The following PRR5L variants were observed in gnomAD, a reference collection of about 807,000 sequenced individuals.
The protein encoded by PRR5L is proline-rich protein 5-like.
In PRR5L, 21 loss-of-function variants were observed where a neutral mutation model predicts 36.4. The ratio of observed to expected loss-of-function variants is 0.58; its 90% CI spans 0.41 to 0.83. The LOEUF (loss-of-function observed/expected upper bound fraction) is 0.83, where lower values mean the gene tolerates loss of function less well. Ranked by LOEUF, PRR5L falls within the 40% of genes least tolerant of loss-of-function variation. PRR5L has a pLI of 0.00. For missense variants in PRR5L, 381 were observed against 473.3 expected, an observed-to-expected ratio of 0.80 and a Z score of 1.81; for synonymous variants, 188 against 197.0, an observed-to-expected ratio of 0.95 and a Z score of 0.38.
At chr11:36,461,259 T>G (rs1196099026) in intron 8 of PRR5L, among the ~76,000 whole-genome samples, 1 of 152,102 alleles carries the variant, frequency 6.6e-6, no homozygotes, top group East Asian at 1.9e-4. Context: ...TTAGGTTCAG[T>G]TTTGGGGGGG....
At chr11:36,376,159 G>C in intron 1 of PRR5L, 3 of 1,304,972 alleles carry the variant, frequency 2.3e-6, no homozygotes, top group Non-Finnish European at 3.0e-6. Flanking sequence ...TGAACTGGAT[G>C]TAAGTGCAGG....
intron 3 of PRR5L, among the ~76,000 whole-genome samples, chr11:36,417,885 C>A (rs1477718367): frequency 6.6e-6 from 1 of 152,168 alleles, no homozygotes; most frequent in African/African-American, 2.4e-5. Flanking sequence ...CAAAGAAAGT[C>A]ATTTGAAATC....
chr11:36,300,296 G>A (rs1856361337), intron 1 of PRR5L, among the ~76,000 whole-genome samples: 1 of 152,096 alleles, frequency 6.6e-6, no homozygotes. Context: ...AAGGTGAGGG[G>A]GGAGCATGTC....
At chr11:36,376,641 T>C in intron 1 of PRR5L, 7 of 992,408 alleles carry the variant, frequency 7.1e-6, no homozygotes, top group Non-Finnish European at 8.4e-6. Flanking sequence ...GCGCGGAGTC[T>C]GGGGCGGAGG....
At chr11:36,347,609 C>T (rs184169697) in intron 1 of PRR5L, among the ~76,000 whole-genome samples, 8 of 151,610 alleles carry the variant, frequency 5.3e-5, no homozygotes, top group African/African-American at 1.9e-4. Context: ...GCTTGCTGAG[C>T]CTGAAGAAGA....
intron 1 of PRR5L, among the ~76,000 whole-genome samples, chr11:36,361,617 G>A (rs993461245): frequency 1.3e-5 from 2 of 152,096 alleles, no homozygotes; most frequent in African/African-American, 4.8e-5. Context: ...AAATCATTGT[G>A]GGAATGTGAT....
chr11:36,445,479 G>A (rs992964658), intron 6 of PRR5L, among the ~76,000 whole-genome samples: 1 of 152,080 alleles, frequency 6.6e-6, no homozygotes, highest in Non-Finnish European at 1.5e-5. Flanking sequence ...GATTTTTAGT[G>A]CATGTTGTAT....
chr11:36,333,973 C>T (rs1190444910), intron 1 of PRR5L, among the ~76,000 whole-genome samples: 2 of 152,158 alleles, frequency 1.3e-5, no homozygotes, highest in African/African-American at 4.8e-5. Context: ...ACCCAGGATC[C>T]CCTTTTTGTG....
chr11:36,388,926 C>G (rs1466507378), intron 1 of PRR5L, among the ~76,000 whole-genome samples: 2 of 151,856 alleles, frequency 1.3e-5, no homozygotes, highest in East Asian at 3.9e-4. Context: ...GTCTGGATCT[C>G]CTGACCTCGT....
intron 1 of PRR5L, among the ~76,000 whole-genome samples, chr11:36,350,887 GAGT>G (rs2133488798): frequency 8.2e-6 from 1 of 122,296 alleles, no homozygotes; most frequent in East Asian, 2.1e-4. Flanking sequence ...TTTTACGGCT[GAGT>G]AGTATTCCAT....
intron 3 of PRR5L, among the ~76,000 whole-genome samples, chr11:36,407,102 C>G (rs1857927317): frequency 1.3e-5 from 2 of 152,046 alleles, no homozygotes; most frequent in Admixed American, 1.3e-4. Flanking sequence ...TTACTGTGAA[C>G]AGTTAAGAAA....
Position 36,350,638 on chromosome 11 carries a change from C to T in PRR5L, c.-125-50359C>T, listed in dbSNP as rs188326794. Among the ~76,000 whole-genome samples, 356 of 151,770 alleles carry T rather than the reference C, an allele frequency of 2.3e-3. 1 individual carries two copies. The highest frequency in any genetic ancestry group is 8.1e-3 in the African/African-American group (334 of 41,372). ...TTCTGAGATTTTGGTGCACCCGTCA[C>T]GCGAGCAGTGTACACTGTACCCAAT... is the stretch of plus-strand genomic sequence containing the variant. On this transcript the variant is annotated intron_variant, in intron 1 of 8. Transcript: ENST00000530639.
intron 1 of PRR5L, among the ~76,000 whole-genome samples, chr11:36,389,123 A>G (rs948533862): frequency 6.6e-6 from 1 of 152,232 alleles, no homozygotes; most frequent in Non-Finnish European, 1.5e-5. Flanking sequence ...AGAAGGCTGC[A>G]GTAAAAACCC....
chr11:36,401,093 G>A lies in PRR5L; in HGVS notation c.-29G>A. 6.2e-7 allele frequency: 1 copy of A among 1,612,352 alleles called. No individual in the cohort carries two copies. The highest frequency in any genetic ancestry group is 8.5e-7 in the Non-Finnish European group (1 of 1,178,862). ...GGGCATTCGGAACCTTCTGGTCCTAGAGGTGAAGCTGAACTGTCACCAGGA... is the reference window on the plus strand; with the variant it reads ...GGGCATTCGGAACCTTCTGGTCCTAAAGGTGAAGCTGAACTGTCACCAGGA... On this transcript the variant is annotated 5_prime_UTR_variant, in exon 2 of 9. Coordinates refer to ENST00000530639, the MANE Select transcript of PRR5L (RefSeq NM_001160167.2).
At position 36,390,012 on chromosome 11, in the gene PRR5L, G is replaced by A. The variant is rs568525070; in HGVS notation, c.-125-10985G>A. 2.0e-5 allele frequency among the ~76,000 whole-genome samples: 3 copies of A among 152,260 alleles called. No homozygotes were observed. The East Asian group carries it at 5.8e-4, about 29-fold the overall frequency. On this transcript the variant is annotated intron_variant, in intron 1 of 8. Coordinates refer to ENST00000530639, the MANE Select transcript of PRR5L (RefSeq NM_001160167.2). Reference sequence around the variant, plus strand: ...ATCTGTGGAATTCCTGCTTCACTAGGCCCTGTGCTAAGCCCTGGGGATGTA... The same window carrying A: ...ATCTGTGGAATTCCTGCTTCACTAGACCCTGTGCTAAGCCCTGGGGATGTA...
chr11:36,328,750 A>G (rs1203429595), intron 1 of PRR5L, among the ~76,000 whole-genome samples: 2 of 152,250 alleles, frequency 1.3e-5, no homozygotes, highest in African/African-American at 2.4e-5. Context: ...GAGGGCATTA[A>G]TGGCTATCAA....
At chr11:36,436,001 G>T (rs1471930954) in intron 5 of PRR5L, among the ~76,000 whole-genome samples, 1 of 152,202 alleles carries the variant, frequency 6.6e-6, no homozygotes, top group Non-Finnish European at 1.5e-5. Context: ...TTCCGATAAA[G>T]TGTGATCAGT....
chr11:36,335,547 CA>C (rs1238309811), intron 1 of PRR5L, among the ~76,000 whole-genome samples: 3 of 152,086 alleles, frequency 2.0e-5, no homozygotes, highest in Non-Finnish European at 4.4e-5. Context: ...GACTGGTGTG[CA>C]GCAGGCTCCA....
chr11:36,310,747 G>C (rs962792754), intron 1 of PRR5L, among the ~76,000 whole-genome samples: 1 of 151,966 alleles, frequency 6.6e-6, no homozygotes, highest in Middle Eastern at 3.2e-3. Context: ...GCCTGTAATC[G>C]CAGCACTTTG....
Sources: gnomAD v4.1 joint callset for allele counts (sites outside exome capture counted in the v4.1 genomes callset) on GRCh38, gnomAD v4.1.1 for gene constraint, MANE v1.5 for transcripts, NCBI Gene and HGNC (gene_info 2026-07-23, HGNC 2026-07-21) for gene names.